Variants in GABPB1 observed in about 807,000 individuals in gnomAD.
The protein encoded by GABPB1 is GA binding protein transcription factor subunit beta 1, also known as GA-binding protein subunit beta-1.
In GABPB1, 15 loss-of-function variants were observed where a neutral mutation model predicts 45.9. The observed-to-expected ratio is 0.33, with a 90% CI of 0.22 to 0.50. The LOEUF (loss-of-function observed/expected upper bound fraction) is 0.50, where lower values mean the gene tolerates loss of function less well. Among genes scored for constraint, GABPB1 ranks in the 20% least tolerant of loss-of-function variants. The pLI is 0.98. For synonymous variants in GABPB1, 143 were observed against 154.4 expected, an observed-to-expected ratio of 0.93 and a Z score of 0.55; for missense variants, 252 against 457.5, an observed-to-expected ratio of 0.55 and a Z score of 4.10.
intron 6 of GABPB1, among the ~76,000 whole-genome samples, chr15:50,294,253 T>C (rs1312473136): frequency 6.6e-6 from 1 of 152,210 alleles, no homozygotes; most frequent in Non-Finnish European, 1.5e-5. Context: ...GCAGTGCTCA[T>C]GCCTGTAATC....
chr15:50,346,855 T>G (rs533357262), intron 1 of GABPB1, among the ~76,000 whole-genome samples: 55 of 148,846 alleles, frequency 3.7e-4, no homozygotes, highest in East Asian at 4.0e-4. Flanking sequence ...TGGCGCCATC[T>G]CGGCTCACTG....
At chr15:50,307,774 T>A (rs2046998112) in intron 2 of GABPB1, among the ~76,000 whole-genome samples, 1 of 152,142 alleles carries the variant, frequency 6.6e-6, no homozygotes. Context: ...TATAGATTAG[T>A]TTTTAAATTG....
intron 1 of GABPB1, among the ~76,000 whole-genome samples, chr15:50,332,974 T>G (rs542847729): frequency 6.6e-6 from 1 of 152,304 alleles, no homozygotes; most frequent in Non-Finnish European, 1.5e-5. Context: ...CATCCTGTCC[T>G]AAGTATATCC....
intron 1 of GABPB1, among the ~76,000 whole-genome samples, chr15:50,328,550 T>C (rs921207176): frequency 8.5e-5 from 13 of 152,254 alleles, no homozygotes; most frequent in African/African-American, 1.2e-4. Flanking sequence ...ATGCTTGATA[T>C]TGAAGCACAT....
At chr15:50,290,496 CAGG>C (rs2046310398) in intron 6 of GABPB1, among the ~76,000 whole-genome samples, 1 of 151,222 alleles carries the variant, frequency 6.6e-6, no homozygotes, top group Non-Finnish European at 1.5e-5. Flanking sequence ...GAGGCTGAGG[CAGG>C]AGAATTATTT....
intron 6 of GABPB1, among the ~76,000 whole-genome samples, chr15:50,296,845 T>C (rs1490918913): frequency 6.6e-6 from 1 of 151,962 alleles, no homozygotes; most frequent in African/African-American, 2.4e-5. Context: ...CCTGAGTATG[T>C]GCAAATTGAG....
intron 1 of GABPB1, among the ~76,000 whole-genome samples, chr15:50,333,710 T>C (rs2048021192): frequency 6.6e-6 from 1 of 152,194 alleles, no homozygotes; most frequent in African/African-American, 2.4e-5. Flanking sequence ...CATTTCACTG[T>C]CTGCTGATTT....
intron 4 of GABPB1, 30 bp from the exon 5 acceptor site, chr15:50,301,398 G>A: frequency 6.3e-7 from 1 of 1,592,750 alleles, no homozygotes; most frequent in Non-Finnish European, 8.6e-7. Context: ...AGTGTTTTCA[G>A]AATTATAACC....
At chr15:50,292,847 T>C (rs1240575333) in intron 6 of GABPB1, among the ~76,000 whole-genome samples, 2 of 21,062 alleles carry the variant, frequency 9.5e-5, no homozygotes, top group Admixed American at 1.3e-3. Flanking sequence ...AGTGTGTATA[T>C]GTGTGTGTGT....
At chr15:50,297,230 T>C (rs1028972317) in intron 6 of GABPB1, among the ~76,000 whole-genome samples, 2 of 147,510 alleles carry the variant, frequency 1.4e-5, no homozygotes, top group African/African-American at 5.0e-5. Flanking sequence ...TTTTTTTTTT[T>C]GAGATGGAGT....
intron 6 of GABPB1, among the ~76,000 whole-genome samples, chr15:50,296,811 T>A (rs545375057): frequency 6.6e-6 from 1 of 152,114 alleles, no homozygotes; most frequent in African/African-American, 2.4e-5. Context: ...ATCAGAGAAA[T>A]AATCTGTGGT....
intron 1 of GABPB1, among the ~76,000 whole-genome samples, chr15:50,317,562 C>CT (rs2047384234): frequency 6.6e-6 from 1 of 151,610 alleles, no homozygotes; most frequent in African/African-American, 2.4e-5. Flanking sequence ...TATTTAAAAG[C>CT]TTTTTTTCAA....
intron 1 of GABPB1, among the ~76,000 whole-genome samples, chr15:50,342,738 A>G (rs540544495): frequency 2.6e-5 from 4 of 152,320 alleles, no homozygotes; most frequent in African/African-American, 9.6e-5. Flanking sequence ...AGTAACATAT[A>G]TAGATAATTA....
intron 1 of GABPB1, among the ~76,000 whole-genome samples, chr15:50,325,765 T>C (rs1047796950): frequency 3.9e-5 from 6 of 151,938 alleles, no homozygotes; most frequent in Admixed American, 6.6e-5. Flanking sequence ...TCTCCTAACC[T>C]CGTGATCTGC....
intron 6 of GABPB1, among the ~76,000 whole-genome samples, chr15:50,290,544 T>A (rs2046311167): frequency 6.7e-6 from 1 of 150,114 alleles, no homozygotes; most frequent in Non-Finnish European, 1.5e-5. Flanking sequence ...TGAGAAGAGA[T>A]CATGCCACTG....
chr15:50,316,252 T>C (rs1428422968), intron 1 of GABPB1, among the ~76,000 whole-genome samples: 2 of 152,214 alleles, frequency 1.3e-5, no homozygotes, highest in East Asian at 1.9e-4. Flanking sequence ...GGCCATCTAG[T>C]GGTAACAGGA....
At chr15:50,313,527 G>T (rs1408525792) in intron 1 of GABPB1, among the ~76,000 whole-genome samples, 1 of 151,880 alleles carries the variant, frequency 6.6e-6, no homozygotes. Context: ...TATTGAAACA[G>T]ATTTATCAGT....
At position 50,289,566 on chromosome 15, in the gene GABPB1, C is replaced by G. The variant is rs1212610250; in HGVS notation, c.800G>C (p.Gly267Ala). 6.2e-7 allele frequency: 1 copy of G among 1,613,620 alleles called. No homozygotes were observed. Among genetic ancestry groups the G allele is most frequent in the Admixed American group, 1.7e-5 (1 of 59,976 alleles). Residue 267 changes from glycine to alanine, a missense_variant, in exon 7 of 9, where the codon GGA (glycine) becomes GCA (alanine). By Grantham distance (60) the Gly-to-Ala change is moderately conservative (BLOSUM62 0). Transcript: ENST00000380877. ...AGAGTGCAAATTTCCAAGCTGAATTCCATCTGTAACTATTGTGATGACTTG... is the reference window on the plus strand; with the variant it reads ...AGAGTGCAAATTTCCAAGCTGAATTGCATCTGTAACTATTGTGATGACTTG... ...GQQVITIVTD[G>A]IQLGNLHSIP...
intron 1 of GABPB1, chr15:50,314,274 C>G (rs2047237817): frequency 1.3e-5 from 2 of 152,108 alleles, no homozygotes; most frequent in African/African-American, 4.8e-5. Flanking sequence ...AGCTCCACCT[C>G]CCAGGTTCAC....
Sources: allele counts gnomAD v4.1 joint callset (sites outside exome capture counted in the v4.1 genomes callset), GRCh38; gene constraint gnomAD v4.1.1; transcripts MANE v1.5; gene names NCBI Gene and HGNC (gene_info 2026-07-23, HGNC 2026-07-21).